Variants in KCNQ5 observed in about 807,000 individuals in gnomAD.
The protein encoded by KCNQ5 is potassium voltage-gated channel subfamily Q member 5.
A neutral mutation model predicts 98.2 loss-of-function variants in KCNQ5; 30 were observed. The observed-to-expected ratio is 0.31, with a 90% confidence interval of 0.23 to 0.41. KCNQ5 has a LOEUF of 0.41. Among genes scored for constraint, KCNQ5 ranks in the 10% least tolerant of loss-of-function variants. KCNQ5 has a pLI of 1.00. For synonymous variants in KCNQ5, 458 were observed against 449.4 expected (o/e 1.02, Z -0.24); for missense variants, 835 against 1,182.5 (o/e 0.71, Z 4.31).
intron 1 of KCNQ5, among the ~76,000 whole-genome samples, chr6:72,649,299 A>AG (rs1699870905): frequency 6.6e-6 from 1 of 152,188 alleles, no homozygotes; most frequent in African/African-American, 2.4e-5. Context: ...CCTTAAACAG[A>AG]CATGCACGTG....
intron 1 of KCNQ5, among the ~76,000 whole-genome samples, chr6:72,862,737 C>T (rs1240874856): frequency 6.6e-6 from 1 of 152,050 alleles, no homozygotes; most frequent in African/African-American, 2.4e-5. Context: ...AAGCAATCCT[C>T]CCACCTCACC....
intron 1 of KCNQ5, among the ~76,000 whole-genome samples, chr6:72,966,612 A>G (rs1038470604): frequency 6.6e-6 from 1 of 152,106 alleles, no homozygotes; most frequent in Non-Finnish European, 1.5e-5. Flanking sequence ...AAAGAAAAGC[A>G]TATTTTGAAA....
At chr6:73,055,458 C>T in intron 3 of KCNQ5, 3 of 1,550,066 alleles carry the variant, frequency 1.9e-6, no homozygotes, top group Non-Finnish European at 2.7e-6. Flanking sequence ...GTCCCACCAC[C>T]TCCGATGGAG....
At chr6:73,003,694 CT>C (rs1489625500) in intron 1 of KCNQ5, among the ~76,000 whole-genome samples, 1 of 152,120 alleles carries the variant, frequency 6.6e-6, no homozygotes, top group African/African-American at 2.4e-5. Flanking sequence ...CAAACACAAC[CT>C]TTTTTTCATC....
At chr6:73,031,832 T>C (rs959937711) in intron 2 of KCNQ5, among the ~76,000 whole-genome samples, 2 of 152,166 alleles carry the variant, frequency 1.3e-5, no homozygotes, top group African/African-American at 2.4e-5. Context: ...ACTCTGTAAA[T>C]ACCCTCAAGG....
intron 1 of KCNQ5, among the ~76,000 whole-genome samples, chr6:72,977,558 C>A (rs956057618): frequency 6.6e-6 from 1 of 152,074 alleles, no homozygotes; most frequent in Non-Finnish European, 1.5e-5. Flanking sequence ...AAAGCAGGGG[C>A]CGGAAGACCT....
intron 1 of KCNQ5, among the ~76,000 whole-genome samples, chr6:72,762,022 G>A (rs1012930158): frequency 1.2e-4 from 18 of 152,000 alleles, no homozygotes; most frequent in Non-Finnish European, 2.1e-4. Context: ...CACAGACAGC[G>A]ATCTTATCGC....
At chr6:73,027,987 T>C (rs1582216880) in intron 2 of KCNQ5, among the ~76,000 whole-genome samples, 1 of 152,230 alleles carries the variant, frequency 6.6e-6, no homozygotes. Context: ...AGTCTTTGAA[T>C]ACTGTACTTT....
intron 1 of KCNQ5, among the ~76,000 whole-genome samples, chr6:72,832,675 C>G (rs1361527480): frequency 6.6e-6 from 1 of 152,160 alleles, no homozygotes; most frequent in Non-Finnish European, 1.5e-5. Flanking sequence ...ATACGCTCTC[C>G]CACAAGGGTC....
intron 1 of KCNQ5, among the ~76,000 whole-genome samples, chr6:72,760,073 C>T (rs536090868): frequency 9.9e-5 from 15 of 152,218 alleles, no homozygotes; most frequent in South Asian, 2.1e-4. Flanking sequence ...CAGGATGGCA[C>T]GCTCCTCTGA....
At chr6:72,662,604 C>T in intron 1 of KCNQ5, among the ~76,000 whole-genome samples, 1 of 148,902 alleles carries the variant, frequency 6.7e-6, no homozygotes, top group South Asian at 2.1e-4. Flanking sequence ...TTGGAAATAA[C>T]TTTTTTTTTT....
intron 1 of KCNQ5, among the ~76,000 whole-genome samples, chr6:72,644,713 A>G (rs544924522): frequency 2.6e-5 from 4 of 152,118 alleles, no homozygotes; most frequent in Non-Finnish European, 4.4e-5. Flanking sequence ...ACCTTTTATC[A>G]TAACCCTCTT....
chr6:73,136,016 G>A (rs536071644), intron 10 of KCNQ5: 2 of 152,274 alleles, frequency 1.3e-5, no homozygotes, highest in South Asian at 4.1e-4. Context: ...GTCGCATTCG[G>A]AGGTACTAGG....
At chr6:72,958,832 C>A (rs959720429) in intron 1 of KCNQ5, among the ~76,000 whole-genome samples, 7 of 152,256 alleles carry the variant, frequency 4.6e-5, no homozygotes, top group African/African-American at 1.7e-4. Context: ...AATGTGGTAA[C>A]CATCCATAGT....
chr6:72,803,970 T>C (rs1013319575), intron 1 of KCNQ5, among the ~76,000 whole-genome samples: 1 of 152,148 alleles, frequency 6.6e-6, no homozygotes, highest in Non-Finnish European at 1.5e-5. Flanking sequence ...GAATATAAGC[T>C]TGAATATATA....
chr6:72,798,782 T>C (rs943426913), intron 1 of KCNQ5, among the ~76,000 whole-genome samples: 1 of 152,188 alleles, frequency 6.6e-6, no homozygotes, highest in Non-Finnish European at 1.5e-5. Context: ...CAGACATTAA[T>C]AGTCCTGAGA....
At chr6:73,020,026 A>C (rs571154236) in intron 2 of KCNQ5, among the ~76,000 whole-genome samples, 1 of 152,278 alleles carries the variant, frequency 6.6e-6, no homozygotes, top group South Asian at 2.1e-4. Context: ...GTCCACTCAC[A>C]ATACAGAACA....
intron 2 of KCNQ5, among the ~76,000 whole-genome samples, chr6:73,036,036 C>G (rs1395781657): frequency 1.5e-5 from 2 of 134,302 alleles, no homozygotes; most frequent in East Asian, 2.6e-4. Flanking sequence ...TGTGTATTGG[C>G]TCTGTACAGT....
At chr6:73,028,742 T>C (rs1582218224) in intron 2 of KCNQ5, among the ~76,000 whole-genome samples, 1 of 152,208 alleles carries the variant, frequency 6.6e-6, no homozygotes, top group African/African-American at 2.4e-5. Flanking sequence ...AAATTCAATA[T>C]ATGGGTCTAT....
Sources: gnomAD v4.1 joint callset for allele counts (sites outside exome capture counted in the v4.1 genomes callset) on GRCh38, gnomAD v4.1.1 for gene constraint, MANE v1.5 for transcripts, NCBI Gene and HGNC (gene_info 2026-07-23, HGNC 2026-07-21) for gene names.